The following MBD5 variants were observed in gnomAD, a reference collection of about 807,000 sequenced individuals.
The protein encoded by MBD5 is methyl-CpG-binding domain protein 5.
MBD5 carries 13 observed loss-of-function variants against 117.3 expected under a neutral mutation model. That is an observed-to-expected ratio of 0.11 (90% CI 0.07 to 0.18). MBD5 has a LOEUF of 0.18. Among genes scored for constraint, MBD5 ranks in the 10% least tolerant of loss-of-function variants. The pLI is 1.00. For synonymous variants in MBD5, 727 were observed against 766.4 expected (o/e 0.95, Z 0.85); for missense variants, 1,879 against 2,093.8 (o/e 0.90, Z 2.00).
At chr2:148,233,423 G>A (rs1449871015) in intron 3 of MBD5, 28 bp downstream of exon 3, 2 of 152,246 alleles carry the variant, frequency 1.3e-5, no homozygotes, top group South Asian at 2.1e-4. Context: ...TCTACTATGA[G>A]TTTTCTGTTA....
chr2:148,120,994 C>T (rs1022059497), intron 1 of MBD5, among the ~76,000 whole-genome samples: 2 of 152,174 alleles, frequency 1.3e-5, no homozygotes, highest in Admixed American at 6.5e-5. Context: ...AAAATACTCA[C>T]AGCATTTTTA....
chr2:148,436,562 G>T (rs990482499), intron 4 of MBD5, among the ~76,000 whole-genome samples: 2 of 151,906 alleles, frequency 1.3e-5, no homozygotes, highest in Non-Finnish European at 2.9e-5. Context: ...AGTAGAGACG[G>T]GGTTTCTCCA....
intron 1 of MBD5, among the ~76,000 whole-genome samples, chr2:148,115,854 C>A (rs1163186326): frequency 1.3e-5 from 2 of 151,776 alleles, no homozygotes; most frequent in East Asian, 3.9e-4. Context: ...TACATTTATT[C>A]ATTCATTTGA....
At chr2:148,334,476 G>A (rs1702736856) in intron 3 of MBD5, among the ~76,000 whole-genome samples, 1 of 151,900 alleles carries the variant, frequency 6.6e-6, no homozygotes, top group Admixed American at 6.6e-5. Flanking sequence ...GAGACTACAT[G>A]TGTGCGCCAC....
At chr2:148,059,894 T>A (rs1694980777) in intron 1 of MBD5, among the ~76,000 whole-genome samples, 1 of 151,358 alleles carries the variant, frequency 6.6e-6, no homozygotes, top group African/African-American at 2.4e-5. Context: ...TTTAAGGATT[T>A]CTCTAGCACA....
At chr2:148,426,248 T>C (rs1249189366) in intron 4 of MBD5, among the ~76,000 whole-genome samples, 2 of 152,306 alleles carry the variant, frequency 1.3e-5, no homozygotes, top group South Asian at 2.1e-4. Context: ...ATAGATTCAA[T>C]GCCATCCCCA....
chr2:148,150,750 G>C (rs200706430), intron 1 of MBD5, among the ~76,000 whole-genome samples: 1 of 152,006 alleles, frequency 6.6e-6, no homozygotes, highest in Non-Finnish European at 1.5e-5. Flanking sequence ...TTTGTCTGTT[G>C]TTGGTGCATA....
rs137950494 is a variant in MBD5 at position 148,298,610 on chromosome 2, G to A, written c.-679-43604G>A. 3.3e-4 allele frequency among the ~76,000 whole-genome samples: 50 copies of A among 152,292 alleles called. 1 individual carries two copies. In the East Asian group the frequency reaches 8.3e-3, roughly 25 times the overall value. On this transcript the variant is annotated intron_variant, in intron 3 of 13. Coordinates refer to ENST00000642680, the MANE Select transcript of MBD5 (RefSeq NM_001378120.1). Reference sequence around the variant, plus strand: ...TCCTCACTCCTCATCCATTCCAGAAGTGAGTCTGGGCTATTATCTTTTGGA... The same window carrying A: ...TCCTCACTCCTCATCCATTCCAGAAATGAGTCTGGGCTATTATCTTTTGGA...
intron 4 of MBD5, 130 bp downstream of exon 4, chr2:148,342,466 G>A (rs1372546578): frequency 6.6e-6 from 1 of 151,774 alleles, no homozygotes; most frequent in African/African-American, 2.4e-5. Flanking sequence ...CCAAAGTTAG[G>A]ATGCTTAAAC....
chr2:148,255,214 C>T (rs1028737303), intron 3 of MBD5, among the ~76,000 whole-genome samples: 2 of 152,302 alleles, frequency 1.3e-5, no homozygotes, highest in Non-Finnish European at 2.9e-5. Flanking sequence ...CTTTTTGTCC[C>T]GGGATAACAA....
At chr2:148,154,594 C>A (rs4297475) in intron 1 of MBD5, among the ~76,000 whole-genome samples, 1 of 152,284 alleles carries the variant, frequency 6.6e-6, no homozygotes, top group East Asian at 1.9e-4. Context: ...ACTCCCTGGG[C>A]TTAGGACCCT....
intron 2 of MBD5, among the ~76,000 whole-genome samples, chr2:148,180,321 C>T (rs992149215): frequency 2.9e-5 from 2 of 69,680 alleles, no homozygotes; most frequent in African/African-American, 5.0e-5. Context: ...AAATCAGATC[C>T]TTCTAGTAAA....
At chr2:148,036,807 A>G (rs886395892) in intron 1 of MBD5, among the ~76,000 whole-genome samples, 6 of 152,096 alleles carry the variant, frequency 3.9e-5, no homozygotes, top group Non-Finnish European at 7.4e-5. Flanking sequence ...TATAAGGTGA[A>G]CAGTATCTAT....
At chr2:148,462,510 A>C in intron 5 of MBD5, 72 bp from the exon 6 acceptor site, 1 of 984,618 alleles carries the variant, frequency 1.0e-6, no homozygotes. Context: ...TAAGACTATA[A>C]ATTATGCCTT....
rs7569757 is a variant in MBD5 at position 148,163,734 on chromosome 2, A to T, written c.-924-14966A>T. On this transcript the variant is annotated intron_variant, in intron 1 of 13. Transcript: ENST00000642680. Reference sequence around the variant, plus strand: ...CCCAGCCGAGAATTAAATAACTTAAATGTACAGTATTTAGAATAGCGCTTG... The same window carrying T: ...CCCAGCCGAGAATTAAATAACTTAATTGTACAGTATTTAGAATAGCGCTTG... Among the ~76,000 whole-genome samples, 1,004 of 152,312 alleles carry T rather than the reference A, an allele frequency of 6.6e-3. 9 individuals carry two copies. Among genetic ancestry groups the T allele is most frequent in the African/African-American group, 0.023 (967 of 41,576 alleles).
Position 148,230,140 on chromosome 2 carries a change from C to T in MBD5, c.-830-3105C>T, listed in dbSNP as rs6715030. ...GCCTGTATCCTTCACTTCAGAGTGG[C>T]GGGTTCCCCAAGTCCCTGGGCATGT... On this transcript the variant is annotated intron_variant, in intron 2 of 13. Coordinates refer to ENST00000642680, the MANE Select transcript of MBD5 (RefSeq NM_001378120.1). 5.6e-3 allele frequency among the ~76,000 whole-genome samples: 855 copies of T among 152,056 alleles called. 11 individuals carry two copies. Among genetic ancestry groups the T allele is most frequent in the African/African-American group, 0.02 (826 of 41,548 alleles).
chr2:148,493,495 G>A (rs16828668), intron 11 of MBD5, among the ~76,000 whole-genome samples: 5,344 of 152,246 alleles, frequency 0.035, 336 homozygotes, highest in African/African-American at 0.12. Flanking sequence ...TTAATTGACA[G>A]GATAGAAGAT....
chr2:148,153,250 G>C (rs954320523), intron 1 of MBD5, among the ~76,000 whole-genome samples: 1 of 151,674 alleles, frequency 6.6e-6, no homozygotes, highest in Non-Finnish European at 1.5e-5. Flanking sequence ...TTTTCTTTAA[G>C]AATGTTGAAT....
intron 4 of MBD5, among the ~76,000 whole-genome samples, chr2:148,430,972 A>G (rs1705966275): frequency 6.6e-6 from 1 of 152,172 alleles, no homozygotes; most frequent in South Asian, 2.1e-4. Flanking sequence ...GAATAAATTT[A>G]TACTGGCTTT....
Sources: gnomAD v4.1 joint callset for allele counts (sites outside exome capture counted in the v4.1 genomes callset) on GRCh38, gnomAD v4.1.1 for gene constraint, MANE v1.5 for transcripts, NCBI Gene and HGNC (gene_info 2026-07-23, HGNC 2026-07-21) for gene names.